The following RGS6 variants were observed in gnomAD, a reference collection of about 807,000 sequenced individuals.
The protein encoded by RGS6 is regulator of G protein signaling 6.
RGS6 carries 30 observed loss-of-function variants against 78.5 expected under a neutral mutation model. The observed-to-expected ratio is 0.38, with a 90% CI of 0.29 to 0.52. The LOEUF (loss-of-function observed/expected upper bound fraction) is 0.52, where lower values mean the gene tolerates loss of function less well. Ranked by LOEUF, RGS6 falls within the 20% of genes least tolerant of loss-of-function variation. The pLI, the probability that RGS6 is intolerant of heterozygous loss-of-function variation, is 0.85. For missense variants in RGS6, 495 were observed against 609.7 expected (o/e 0.81, Z 1.98); for synonymous variants, 206 against 206.0 (o/e 1.00, Z 0.00).
chr14:72,083,371 G>A (rs750082330), intron 2 of RGS6, among the ~76,000 whole-genome samples: 2 of 152,168 alleles, frequency 1.3e-5, no homozygotes, highest in African/African-American at 4.8e-5. Context: ...CACAGACACT[G>A]CTAAGCCTTC....
In RGS6 at chr14:71,994,521, A is replaced by G. The variant is rs544816363; in HGVS notation, c.84+29646A>G. Among the ~76,000 whole-genome samples, 19 of 152,148 alleles carry G rather than the reference A, an allele frequency of 1.2e-4. No homozygotes were observed. In the South Asian group the frequency reaches 3.5e-3, roughly 28 times the overall value. ...ACTGTTTAGAGTCTTGTTATGTATG[A>G]ATTGTGTCCCCCTCCACCCAGTCCA... On this transcript the variant is annotated intron_variant, in intron 2 of 17. Coordinates refer to ENST00000553525, the MANE Select transcript of RGS6 (RefSeq NM_001204424.2).
intron 6 of RGS6, among the ~76,000 whole-genome samples, chr14:72,463,432 C>T (rs1243598808): frequency 2.0e-5 from 3 of 152,174 alleles, no homozygotes; most frequent in African/African-American, 7.2e-5. Context: ...GAAAAGATTC[C>T]TTGTGTGACT....
intron 2 of RGS6, among the ~76,000 whole-genome samples, chr14:72,348,345 A>G (rs577342426): frequency 2.6e-5 from 4 of 152,376 alleles, no homozygotes; most frequent in East Asian, 1.9e-4. Context: ...CTCAATTTCA[A>G]TGTCTTTATT....
the RGS6 span, among the ~76,000 whole-genome samples, chr14:71,918,030 A>C: frequency 1.3e-5 from 2 of 151,564 alleles, no homozygotes; most frequent in Admixed American, 1.3e-4. Flanking sequence ...AAAAATAAAA[A>C]ATTAGCCGGG....
chr14:71,878,259 G>T, the RGS6 span, among the ~76,000 whole-genome samples: 1 of 152,206 alleles, frequency 6.6e-6, no homozygotes, highest in Non-Finnish European at 1.5e-5. Flanking sequence ...CTTTTATTCA[G>T]CTATGCCCTG....
intron 12 of RGS6, among the ~76,000 whole-genome samples, chr14:72,482,477 T>C (rs957375027): frequency 2.6e-5 from 4 of 152,120 alleles, no homozygotes; most frequent in Admixed American, 2.6e-4. Flanking sequence ...GCTTAAAAAA[T>C]AGGCTTTTAC....
chr14:72,166,033 G>A (rs1392033507), intron 2 of RGS6, among the ~76,000 whole-genome samples: 1 of 145,592 alleles, frequency 6.9e-6, no homozygotes, highest in Non-Finnish European at 1.5e-5. Flanking sequence ...TCTGAATGTT[G>A]TAAAATTTAT....
chr14:72,438,857 A>T (rs1038956844), intron 3 of RGS6, among the ~76,000 whole-genome samples: 4 of 152,228 alleles, frequency 2.6e-5, no homozygotes, highest in Admixed American at 1.3e-4. Flanking sequence ...TTAAAACCTG[A>T]CACAGCCCCT....
chr14:71,889,374 T>A, the RGS6 span, among the ~76,000 whole-genome samples: 1 of 152,184 alleles, frequency 6.6e-6, no homozygotes. Context: ...AATGTAGCTA[T>A]AAGGATCTTA....
rs7146846 is a variant in RGS6, at chr14:72,065,191, A to C, written c.84+100316A>C. ...CAGACTTTGAAAATGTTATCTCAGC[A>C]TCTAGCATTGGCTTCATTTTGGTTT... On this transcript the variant is annotated intron_variant, in intron 2 of 17. Transcript: ENST00000553525. Among the ~76,000 whole-genome samples, 743 of 152,324 alleles carry C rather than the reference A, an allele frequency of 4.9e-3. 11 individuals carry two copies. Among genetic ancestry groups the C allele is most frequent in the African/African-American group, 0.017 (714 of 41,572 alleles).
Position 72,336,556 on chromosome 14 carries a change from G to A in RGS6, c.85-15539G>A, listed in dbSNP as rs370352231. On this transcript the variant is annotated intron_variant, in intron 2 of 17. Coordinates refer to ENST00000553525, the MANE Select transcript of RGS6 (RefSeq NM_001204424.2). Reference sequence around the variant, plus strand: ...GAGAGCGCGCATAGGGAGAGGCAGTGGGGAAGAGGAAGAGAGAGAGGACAG... The same window carrying A: ...GAGAGCGCGCATAGGGAGAGGCAGTAGGGAAGAGGAAGAGAGAGAGGACAG... 3.3e-5 allele frequency among the ~76,000 whole-genome samples: 5 copies of A among 152,250 alleles called. No homozygotes were observed. In the East Asian group the frequency reaches 7.7e-4, roughly 24 times the overall value.
chr14:72,150,557 G>A (rs2096669469), intron 2 of RGS6, among the ~76,000 whole-genome samples: 1 of 151,996 alleles, frequency 6.6e-6, no homozygotes, highest in Non-Finnish European at 1.5e-5. Flanking sequence ...AGGCTCTATG[G>A]AAAGCATGCC....
At chr14:72,174,663 T>G (rs2153688778) in intron 2 of RGS6, among the ~76,000 whole-genome samples, 1 of 152,236 alleles carries the variant, frequency 6.6e-6, no homozygotes, top group Middle Eastern at 3.4e-3. Context: ...GGCCTATGTC[T>G]TGGTTTTTTT....
At chr14:72,284,827 C>A (rs2062218772) in intron 2 of RGS6, among the ~76,000 whole-genome samples, 1 of 152,192 alleles carries the variant, frequency 6.6e-6, no homozygotes, top group African/African-American at 2.4e-5. Context: ...GTAGGCTGTA[C>A]CCTGCAAAGC....
At chr14:72,183,480 T>A (rs1332665279) in intron 2 of RGS6, among the ~76,000 whole-genome samples, 1 of 151,972 alleles carries the variant, frequency 6.6e-6, no homozygotes, top group East Asian at 1.9e-4. Context: ...GCAGGTAGAG[T>A]TTTATATCTG....
At chr14:72,185,862 T>C (rs1291378715) in intron 2 of RGS6, among the ~76,000 whole-genome samples, 2 of 152,260 alleles carry the variant, frequency 1.3e-5, no homozygotes, top group African/African-American at 4.8e-5. Context: ...GGAGGATTGC[T>C]TGAGCTTGAG....
At chr14:72,419,913 T>C (rs979421795) in intron 3 of RGS6, among the ~76,000 whole-genome samples, 1 of 151,984 alleles carries the variant, frequency 6.6e-6, no homozygotes, top group Non-Finnish European at 1.5e-5. Flanking sequence ...TGGAGAGAAG[T>C]AGAGCAAAAT....
At chr14:72,620,202 C>T in the RGS6 span, among the ~76,000 whole-genome samples, 10 of 152,262 alleles carry the variant, frequency 6.6e-5, no homozygotes, top group African/African-American at 2.4e-4. Context: ...ATCCTACCCC[C>T]ATTTTAGGGT....
chr14:72,575,252 G>C, the RGS6 span, among the ~76,000 whole-genome samples: 1 of 152,140 alleles, frequency 6.6e-6, no homozygotes, highest in South Asian at 2.1e-4. Context: ...AGGCATACAA[G>C]GGTCATGATG....
Sources: gnomAD v4.1 joint callset for allele counts (sites outside exome capture counted in the v4.1 genomes callset) on GRCh38, gnomAD v4.1.1 for gene constraint, MANE v1.5 for transcripts, NCBI Gene and HGNC (gene_info 2026-07-23, HGNC 2026-07-21) for gene names.